The following IQGAP2 variants were observed in gnomAD, a reference collection of about 807,000 sequenced individuals.
IQGAP2 encodes the protein IQ motif containing GTPase activating protein 2.
IQGAP2 carries 173 observed loss-of-function variants against 201.3 expected under a neutral mutation model. That is an observed-to-expected ratio of 0.86 (90% confidence interval 0.76 to 0.98). IQGAP2 has a LOEUF of 0.98. Ranked by LOEUF, IQGAP2 falls within the 50% of genes least tolerant of loss-of-function variation. The pLI, the probability that IQGAP2 is intolerant of heterozygous loss-of-function variation, is 0.00. For synonymous variants in IQGAP2, 675 were observed against 673.9 expected (o/e 1.00, Z -0.03); for missense variants, 1,687 against 1,864.8 (o/e 0.90, Z 1.76).
chr5:76,450,246 C>T (rs1286048069), intron 1 of IQGAP2, among the ~76,000 whole-genome samples: 1 of 152,162 alleles, frequency 6.6e-6, no homozygotes, highest in Non-Finnish European at 1.5e-5. Flanking sequence ...AGCCTGCAAA[C>T]TCGATGTGAA....
At chr5:76,685,460 A>G (rs1467724865) in intron 30 of IQGAP2, among the ~76,000 whole-genome samples, 1 of 152,240 alleles carries the variant, frequency 6.6e-6, no homozygotes, top group Non-Finnish European at 1.5e-5. Context: ...ATGATATCTG[A>G]GAATCACCAT....
intron 4 of IQGAP2, among the ~76,000 whole-genome samples, chr5:76,574,968 G>A (rs1161825807): frequency 6.6e-6 from 1 of 152,070 alleles, no homozygotes; most frequent in African/African-American, 2.4e-5. Context: ...TATAATGAAG[G>A]GGATGGGAAA....
chr5:76,535,418 A>AT (rs1246439480), intron 2 of IQGAP2, among the ~76,000 whole-genome samples: 1 of 152,130 alleles, frequency 6.6e-6, no homozygotes, highest in African/African-American at 2.4e-5. Context: ...TCACAAAAAA[A>AT]TTTTTTTTAA....
intron 3 of IQGAP2, among the ~76,000 whole-genome samples, chr5:76,565,844 C>A (rs1744709691): frequency 6.6e-6 from 1 of 152,154 alleles, no homozygotes; most frequent in South Asian, 2.1e-4. Flanking sequence ...TCCTGCAGAA[C>A]CACCTAATGG....
At chr5:76,680,716 A>G (rs1398194570) in intron 28 of IQGAP2, among the ~76,000 whole-genome samples, 1 of 150,934 alleles carries the variant, frequency 6.6e-6, no homozygotes, top group African/African-American at 2.4e-5. Context: ...CCTTAAAGCC[A>G]GGAGTTCGAG....
At chr5:76,474,983 A>C (rs1048850928) in intron 2 of IQGAP2, among the ~76,000 whole-genome samples, 3 of 152,314 alleles carry the variant, frequency 2.0e-5, no homozygotes, top group Non-Finnish European at 4.4e-5. Context: ...AAGTGCTGGG[A>C]TTACAGGCAT....
chr5:76,572,425 A>G (rs1322714084), intron 4 of IQGAP2, among the ~76,000 whole-genome samples: 3 of 151,482 alleles, frequency 2.0e-5, no homozygotes, highest in South Asian at 4.2e-4. Context: ...CAGCCTCCCA[A>G]AGTTCTGGGA....
chr5:76,544,690 A>AT (rs929242886), intron 2 of IQGAP2, among the ~76,000 whole-genome samples: 2 of 151,836 alleles, frequency 1.3e-5, no homozygotes, highest in African/African-American at 2.4e-5. Flanking sequence ...AAGTGCTTTA[A>AT]TTTTTTTTGG....
chr5:76,664,580 G>T (rs1743567244), intron 21 of IQGAP2, among the ~76,000 whole-genome samples: 1 of 152,194 alleles, frequency 6.6e-6, no homozygotes, highest in Non-Finnish European at 1.5e-5. Flanking sequence ...CTACTCAGGA[G>T]GCTGAGGCAG....
intron 32 of IQGAP2, among the ~76,000 whole-genome samples, chr5:76,696,023 T>G (rs1054640661): frequency 6.6e-6 from 1 of 151,922 alleles, no homozygotes; most frequent in African/African-American, 2.4e-5. Context: ...GTATTTTTAG[T>G]AGAGACGGGG....
In IQGAP2 at chr5:76,638,541, T is replaced by TAC. The variant is rs987490576; in HGVS notation, c.1923+1366_1923+1367insCA. Among the ~76,000 whole-genome samples, 595 of 151,454 alleles carry TAC rather than the reference T, an allele frequency of 3.9e-3. 3 individuals carry two copies. Among genetic ancestry groups the TAC allele is most frequent in the African/African-American group, 0.014 (564 of 40,786 alleles). On this transcript the variant is annotated intron_variant, in intron 16 of 35. Coordinates refer to ENST00000274364, the MANE Select transcript of IQGAP2 (RefSeq NM_006633.5). ...TCCCTCCCAAATATTCAGCAATTTT[T>TAC]ATATATATAGGAGCCCAGGGCTGAA...
At chr5:76,439,340 A>C (rs2150102331) in intron 1 of IQGAP2, among the ~76,000 whole-genome samples, 1 of 152,316 alleles carries the variant, frequency 6.6e-6, no homozygotes, top group East Asian at 1.9e-4. Flanking sequence ...AATGTTTTGT[A>C]AATATCTGTT....
rs1046503621 is a variant in IQGAP2, at chr5:76,504,461, G to A, written c.146+42792G>A. 3.3e-5 allele frequency among the ~76,000 whole-genome samples: 5 copies of A among 152,058 alleles called. No individual in the cohort carries two copies. The South Asian group carries it at 6.2e-4, about 19-fold the overall frequency. On this transcript the variant is annotated intron_variant, in intron 2 of 35. Transcript: ENST00000274364. ...CTCTGTATAACCAACACCTAAGTGC[G>A]AAAGTCCTGGGCTTCAGTCTGTACC...
intron 2 of IQGAP2, among the ~76,000 whole-genome samples, chr5:76,471,761 A>T (rs932094408): frequency 3.3e-5 from 5 of 152,128 alleles, no homozygotes; most frequent in African/African-American, 1.2e-4. Context: ...AATCCAGTGG[A>T]TTTCCTCTGC....
intron 2 of IQGAP2, among the ~76,000 whole-genome samples, chr5:76,548,076 TG>T (rs1743202679): frequency 6.6e-6 from 1 of 152,356 alleles, no homozygotes; most frequent in Admixed American, 6.5e-5. Context: ...TGTTGCATGC[TG>T]GGTGCTTTTT....
chr5:76,510,580 G>T (rs1580352480), intron 2 of IQGAP2: 6 of 477,986 alleles, frequency 1.3e-5, no homozygotes, highest in African/African-American at 1.2e-4. Flanking sequence ...CGATCTGGAA[G>T]GACCCAGACA....
intron 1 of IQGAP2, among the ~76,000 whole-genome samples, chr5:76,432,919 A>C (rs911858042): frequency 6.6e-6 from 1 of 152,040 alleles, no homozygotes; most frequent in Non-Finnish European, 1.5e-5. Flanking sequence ...TTAGGTATTT[A>C]TTTCCCCTGC....
chr5:76,404,381 C>G lies in IQGAP2; in HGVS notation c.46+790C>G, dbSNP rs1400210085. ...AACACCAACCACGTGGCTTCATGTG[C>G]AGAGTTCAGAGTCCTAAACATGTGC... On this transcript the variant is annotated intron_variant, in intron 1 of 35. Transcript: ENST00000274364. The G allele has an allele frequency of 3.8e-6, 3 of 784,218 alleles. No homozygotes were observed. The African/African-American group carries it at 5.7e-5, about 15-fold the overall frequency. The allele number at this position is 784,218 out of a possible 1,614,324, so 48.6% of individuals were successfully genotyped here. A position where few individuals can be genotyped will look rare whatever the true frequency, so the allele number is the denominator to read the frequency against.
At chr5:76,625,570 A>G (rs1324015913) in intron 13 of IQGAP2, among the ~76,000 whole-genome samples, 2 of 152,182 alleles carry the variant, frequency 1.3e-5, no homozygotes, top group African/African-American at 4.8e-5. Flanking sequence ...GCATAGCTAG[A>G]GGTGATTGTG....
Sources: allele counts gnomAD v4.1 joint callset (sites outside exome capture counted in the v4.1 genomes callset), GRCh38; gene constraint gnomAD v4.1.1; transcripts MANE v1.5; gene names NCBI Gene and HGNC (gene_info 2026-07-23, HGNC 2026-07-21).